Variants in SLIT1 observed in about 807,000 individuals in gnomAD.
The protein encoded by SLIT1 is slit guidance ligand 1.
SLIT1 carries 66 observed loss-of-function variants against 186.1 expected under a neutral mutation model. The ratio of observed to expected loss-of-function variants is 0.35; its 90% CI spans 0.29 to 0.44. SLIT1 has a LOEUF of 0.44. Among genes scored for constraint, SLIT1 ranks in the 20% least tolerant of loss-of-function variants. The probability of loss-of-function intolerance (pLI) is 1.00; values close to 1 mark genes in which losing one functional copy is unlikely to be tolerated. For missense variants in SLIT1, 1,638 were observed against 2,037.4 expected, an observed-to-expected ratio of 0.80 and a Z score of 3.77; for synonymous variants, 761 against 833.8, an observed-to-expected ratio of 0.91 and a Z score of 1.50.
intron 4 of SLIT1, among the ~76,000 whole-genome samples, chr10:97,118,220 T>C (rs1425333004): frequency 6.6e-6 from 1 of 152,176 alleles, no homozygotes; most frequent in Non-Finnish European, 1.5e-5. Context: ...ATTTTGCTGA[T>C]GGGGAAATTG....
At chr10:97,065,459 G>A (rs987123610) in intron 5 of SLIT1, 5 of 155,166 alleles carry the variant, frequency 3.2e-5, no homozygotes, top group African/African-American at 1.2e-4. Flanking sequence ...GAGGTGGTAA[G>A]CCTGGACCAG....
intron 6 of SLIT1, 128 bp downstream of exon 6, chr10:97,064,677 G>A (rs980908921): frequency 9.8e-5 from 66 of 675,024 alleles, no homozygotes; most frequent in East Asian, 2.3e-4. Flanking sequence ...CCCCTCCTCC[G>A]AGGTGATTCT....
At position 97,064,258 on chromosome 10, in the gene SLIT1, A is replaced by C; in HGVS notation, c.558-19T>G. On this transcript the variant is annotated intron_variant, in intron 6 of 36. Transcript: ENST00000266058. ...CAGGGTCCTAAATGGGAAAAACCAG[A>C]GTCATTTAGCACCTGCCCAGCAGGA... The C allele has an allele frequency of 6.2e-7, 1 of 1,607,220 alleles. No individual in the cohort carries two copies. The highest frequency in any genetic ancestry group is 8.5e-7 in the Non-Finnish European group (1 of 1,174,578).
chr10:97,113,815 C>T (rs534303821), intron 4 of SLIT1, among the ~76,000 whole-genome samples: 1 of 152,340 alleles, frequency 6.6e-6, no homozygotes, highest in Non-Finnish European at 1.5e-5. Flanking sequence ...CTCGGCCTCC[C>T]AAAGTGCTGG....
At chr10:97,027,812 C>T (rs1274468704) in intron 25 of SLIT1, among the ~76,000 whole-genome samples, 1 of 152,142 alleles carries the variant, frequency 6.6e-6, no homozygotes, top group Non-Finnish European at 1.5e-5. Context: ...GAGCTGGAGA[C>T]AAGATGTACT....
rs1290736645 is a variant in SLIT1, at chr10:97,064,843, C to T, written c.519G>A (p.Glu173=). 6.2e-7 allele frequency: 1 copy of T among 1,612,560 alleles called. No individual in the cohort carries two copies. The highest frequency in any genetic ancestry group is 8.5e-7 in the Non-Finnish European group (1 of 1,179,312). The part of the protein sequence containing the change: ...QLDKNQISCI[E]EGAFRALRGL... ...CCCGCAGAGCACGGAAGGCCCCTTC[C>T]TCAATGCAGCTGATCTGGTTCTTGT... Residue 173 remains glutamate (E), a synonymous_variant, in exon 6 of 37, where the codon GAG becomes GAA. Transcript: ENST00000266058.
intron 1 of SLIT1, among the ~76,000 whole-genome samples, chr10:97,179,250 G>T (rs1272588457): frequency 6.6e-6 from 1 of 152,134 alleles, no homozygotes; most frequent in Admixed American, 6.5e-5. Context: ...GCTGCCTTCA[G>T]CCAGCTTTCC....
chr10:97,041,892 T>C (rs1848693590), intron 20 of SLIT1, among the ~76,000 whole-genome samples: 1 of 152,182 alleles, frequency 6.6e-6, no homozygotes, highest in Non-Finnish European at 1.5e-5. Flanking sequence ...GAAAAAATAA[T>C]GTTTCCAAAG....
intron 28 of SLIT1, among the ~76,000 whole-genome samples, chr10:97,015,762 G>A (rs1848449647): frequency 6.6e-6 from 1 of 152,124 alleles, no homozygotes; most frequent in South Asian, 2.1e-4. Context: ...CGCTGCAAAA[G>A]AAACTTTAAA....
At chr10:97,049,689 C>T (rs1405685719) in intron 13 of SLIT1, among the ~76,000 whole-genome samples, 3 of 152,156 alleles carry the variant, frequency 2.0e-5, no homozygotes, top group Non-Finnish European at 4.4e-5. Context: ...CTGGGCTTCA[C>T]AGGGAGTCAC....
At chr10:97,037,389 C>T (rs1019802743) in intron 22 of SLIT1, among the ~76,000 whole-genome samples, 13 of 152,122 alleles carry the variant, frequency 8.5e-5, no homozygotes, top group Non-Finnish European at 1.8e-4. Flanking sequence ...GTGTGAGCCA[C>T]CGTGCCCGCC....
intron 4 of SLIT1, among the ~76,000 whole-genome samples, chr10:97,078,788 C>T (rs369442553): frequency 3.3e-5 from 5 of 152,226 alleles, no homozygotes; most frequent in Admixed American, 2.0e-4. Context: ...AACACCAGGG[C>T]GAGGCCTCCG....
intron 3 of SLIT1, among the ~76,000 whole-genome samples, chr10:97,159,368 T>C (rs1272786554): frequency 1.3e-5 from 2 of 151,836 alleles, no homozygotes; most frequent in East Asian, 3.9e-4. Flanking sequence ...GGGAAACACT[T>C]CATTGCCTTG....
At chr10:97,140,033 G>A (rs1276998172) in intron 4 of SLIT1, among the ~76,000 whole-genome samples, 1 of 152,026 alleles carries the variant, frequency 6.6e-6, no homozygotes, top group South Asian at 2.1e-4. Context: ...TCTTTCCAGG[G>A]GCCTTGCAGG....
rs777559723 is a variant in SLIT1, at chr10:97,014,031, G to A, written c.3097C>T (p.Leu1033=). Residue 1033 remains leucine, a synonymous_variant, in exon 29 of 37, where the codon CTG becomes TTG. Transcript: ENST00000266058. ...CTGACGCACTTACCCTCATACTGCA[G>A]GGGGCACTGGCAGGTGTAGTTGCCC... ...GVGNYTCQCP[L]QYEGKACEQL... The A allele has an allele frequency of 1.9e-6, 3 of 1,613,584 alleles. No homozygotes were observed. Among genetic ancestry groups the A allele is most frequent in the Admixed American group, 3.3e-5 (2 of 59,998 alleles).
At chr10:97,057,762 A>T in intron 11 of SLIT1, 14 of 473,026 alleles carry the variant, frequency 3.0e-5, no homozygotes, top group Middle Eastern at 5.6e-4. Context: ...TTTTTTTTAT[A>T]CTTTAGCATT....
At chr10:97,102,438 AGAAAGAAAGAAAGAAAAAAG>A (rs1849368011) in intron 4 of SLIT1, 2 of 138,060 alleles carry the variant, frequency 1.4e-5, no homozygotes, top group Non-Finnish European at 3.1e-5. Flanking sequence ...AAAAAAAAAA[AGAAAGAAAGAAAGAAAAAAG>A]AAAAAAAAAA....
chr10:97,102,863 C>T (rs960872745), intron 4 of SLIT1: 1 of 152,222 alleles, frequency 6.6e-6, no homozygotes, highest in Non-Finnish European at 1.5e-5. Context: ...GAACTCGTTT[C>T]CATATCTCCA....
In SLIT1 at chr10:97,040,397, C is replaced by T. The variant is rs115668179; in HGVS notation, c.2165-277G>A. On this transcript the variant is annotated intron_variant, in intron 20 of 36. Coordinates refer to ENST00000266058, the MANE Select transcript of SLIT1 (RefSeq NM_003061.3). ...TGGTCAAAGTAGAACAGGAGGATGG[C>T]CGCGCACCATCCCATCCCCGGAGTG... Among the ~76,000 whole-genome samples the T allele has an allele frequency of 4.7e-3, 723 of 152,276 alleles. 4 individuals are homozygous for T. The highest frequency in any genetic ancestry group is 0.016 in the African/African-American group (668 of 41,560).
Sources: allele counts gnomAD v4.1 joint callset (sites outside exome capture counted in the v4.1 genomes callset), GRCh38; gene constraint gnomAD v4.1.1; transcripts MANE v1.5; gene names NCBI Gene and HGNC (gene_info 2026-07-23, HGNC 2026-07-21).